The following XPO7 variants were observed in gnomAD, a reference collection of about 807,000 sequenced individuals.
XPO7 encodes exportin 7.
A neutral mutation model predicts 144.3 loss-of-function variants in XPO7; 21 were observed. The observed-to-expected ratio is 0.15, with a 90% CI of 0.10 to 0.21. XPO7 has a LOEUF of 0.21. Among genes scored for constraint, XPO7 ranks in the 10% least tolerant of loss-of-function variants. XPO7 has a pLI of 1.00. For missense variants in XPO7, 808 were observed against 1,325.8 expected (o/e 0.61, Z 6.06); for synonymous variants, 580 against 499.6 (o/e 1.16, Z -2.15).
chr8:21,976,997 G>A (rs978958788), intron 7 of XPO7, among the ~76,000 whole-genome samples: 1 of 152,162 alleles, frequency 6.6e-6, no homozygotes. Flanking sequence ...GGTTGTTGGA[G>A]TAATCTCATA....
rs191138751 is a variant in XPO7, at chr8:21,947,521, A to G, written c.19-19336A>G. ...GAGGAAATTCAACCTTACTAATACCATCACCACTACCCCTGCAACATAGAC... is the reference window on the plus strand; with the variant it reads ...GAGGAAATTCAACCTTACTAATACCGTCACCACTACCCCTGCAACATAGAC... On this transcript the variant is annotated intron_variant, in intron 1 of 27. Transcript: ENST00000252512. Among the ~76,000 whole-genome samples the G allele has an allele frequency of 1.8e-4, 27 of 152,336 alleles. No homozygotes were observed. The East Asian group carries it at 5.0e-3, about 28-fold the overall frequency.
Position 21,989,648 on chromosome 8 carries a change from G to T in XPO7, c.1868+565G>T, listed in dbSNP as rs891744963. On this transcript the variant is annotated intron_variant, in intron 16 of 27. Transcript: ENST00000252512. ...ATATAGCTAGTACCATTCTAAATAG[G>T]AGAGAAGTTCATTCATTATACACAA... Among the ~76,000 whole-genome samples, 8 of 152,090 alleles carry T rather than the reference G, an allele frequency of 5.3e-5. No individual in the cohort carries two copies. In the East Asian group the frequency reaches 1.5e-3, roughly 29 times the overall value.
In XPO7 at chr8:22,003,239, C is replaced by T. The variant is rs1353250696; in HGVS notation, c.2964C>T (p.Asn988=). ...MIQQMLSTVL[N]IIIFEDCRNQ... is the part of the protein sequence containing the mutation. ...TTCAGATGCTGTCCACGGTGCTGAACATCATCATCTTTGAAGACTGTAGGA... is the reference window on the plus strand; with the variant it reads ...TTCAGATGCTGTCCACGGTGCTGAATATCATCATCTTTGAAGACTGTAGGA... The change falls in exon 26 of 28, where the codon AAC becomes AAT. Residue 988 remains asparagine (N), a synonymous_variant. Coordinates refer to ENST00000252512, the MANE Select transcript of XPO7 (RefSeq NM_015024.5). 1 of 1,612,848 alleles carries T rather than the reference C, an allele frequency of 6.2e-7. No individual in the cohort carries two copies. The highest frequency in any genetic ancestry group is 1.1e-5 in the South Asian group (1 of 90,676).
At chr8:21,948,189 T>A (rs1564312) in intron 1 of XPO7, among the ~76,000 whole-genome samples, 63 of 152,358 alleles carry the variant, frequency 4.1e-4, no homozygotes, top group African/African-American at 1.5e-3. Context: ...ATGCACTGAA[T>A]AGTGACATTT....
At chr8:21,988,072 C>T (rs993187095) in intron 15 of XPO7, among the ~76,000 whole-genome samples, 1 of 152,304 alleles carries the variant, frequency 6.6e-6, no homozygotes, top group African/African-American at 2.4e-5. Flanking sequence ...TAATTTTGTT[C>T]TTGCAGAATC....
In XPO7 at chr8:21,998,629, G is replaced by T; in HGVS notation, c.2346-126G>T. On this transcript the variant is annotated intron_variant, in intron 21 of 27. Transcript: ENST00000252512. The stretch of plus-strand genomic sequence containing the variant: ...CTATAACTTGGTTATTCTCATATTA[G>T]GATAGGCAATTGCTTACCTTAATGT... 2 of 683,706 alleles carry T rather than the reference G, an allele frequency of 2.9e-6. 1 individual carries two copies. Among genetic ancestry groups the T allele is most frequent in the South Asian group, 3.8e-5 (2 of 52,726 alleles). The allele number at this position is 683,706 out of a possible 1,614,324, so 42.4% of individuals were successfully genotyped here. A position where few individuals can be genotyped will look rare whatever the true frequency, so the allele number is the denominator to read the frequency against.
chr8:21,976,452 A>G lies in XPO7; in HGVS notation c.694A>G (p.Ile232Val). The G allele has an allele frequency of 6.2e-7, 1 of 1,614,018 alleles. No homozygotes were observed. Among genetic ancestry groups the G allele is most frequent in the African/African-American group, 1.3e-5 (1 of 75,048 alleles). The part of the protein sequence containing the change: ...LTHNCLNFDF[I>V]GTSTDESSDD... The stretch of plus-strand genomic sequence containing the variant: ...TCATAACTGCCTCAACTTTGACTTC[A>G]TCGGCACTTCCACTGATGAGTCCTC... Residue 232 changes from isoleucine (I) to valine (V), a missense_variant, in exon 7 of 28, where the codon ATC (isoleucine) becomes GTC (valine). Ile to Val is a conservative substitution (Grantham distance 29). This residue lies in a region of XPO7 where 223 missense variants were observed against 368.8 expected (regional missense o/e 0.60). Transcript: ENST00000252512.
At chr8:21,955,561 C>T (rs1338209231) in intron 1 of XPO7, among the ~76,000 whole-genome samples, 2 of 152,028 alleles carry the variant, frequency 1.3e-5, no homozygotes, top group Non-Finnish European at 2.9e-5. Flanking sequence ...TCCCTGAAGC[C>T]ACATTGCTTG....
intron 1 of XPO7, among the ~76,000 whole-genome samples, chr8:21,925,897 C>G (rs1810444044): frequency 6.6e-6 from 1 of 152,174 alleles, no homozygotes; most frequent in South Asian, 2.1e-4. Flanking sequence ...TTCTTTACGC[C>G]TAATTTCTTA....
chr8:21,951,261 A>G (rs1036215266), intron 1 of XPO7, among the ~76,000 whole-genome samples: 9 of 151,396 alleles, frequency 5.9e-5, no homozygotes, highest in African/African-American at 2.2e-4. Context: ...TTGGTTAAGT[A>G]CGTCTTTTTT....
At chr8:21,978,741 G>GT (rs993025304) in intron 8 of XPO7, among the ~76,000 whole-genome samples, 4 of 152,202 alleles carry the variant, frequency 2.6e-5, no homozygotes, top group African/African-American at 9.6e-5. Context: ...AGTTGAAGCT[G>GT]TGTCTTAGAG....
chr8:21,999,812 A>G (rs929454446), intron 24 of XPO7, 138 bp downstream of exon 24: 5 of 1,106,388 alleles, frequency 4.5e-6, no homozygotes, highest in African/African-American at 1.6e-5. Flanking sequence ...AGAGTATATA[A>G]TGCACAGCAC....
At chr8:21,950,739 ATTAAT>A (rs1252866634) in intron 1 of XPO7, among the ~76,000 whole-genome samples, 18 of 152,258 alleles carry the variant, frequency 1.2e-4, no homozygotes, top group Non-Finnish European at 4.4e-5. Context: ...CTTTCCTTGA[ATTAAT>A]TTGTATAAAA....
At chr8:21,941,324 A>T (rs1323104577) in intron 1 of XPO7, among the ~76,000 whole-genome samples, 2 of 148,848 alleles carry the variant, frequency 1.3e-5, no homozygotes, top group South Asian at 2.1e-4. Flanking sequence ...AGTTAAGAAA[A>T]TTTTTTTTTT....
At chr8:21,932,591 A>G (rs1217893331) in intron 1 of XPO7, among the ~76,000 whole-genome samples, 1 of 151,362 alleles carries the variant, frequency 6.6e-6, no homozygotes, top group Non-Finnish European at 1.5e-5. Context: ...GGGTTTTCTC[A>G]TGCGAAAAGG....
In XPO7 at chr8:21,927,505, G is replaced by A. The variant is rs6996478; in HGVS notation, c.18+7717G>A. Among the ~76,000 whole-genome samples the A allele has an allele frequency of 6.8e-3, 1,015 of 149,306 alleles. 14 individuals carry two copies. The highest frequency in any genetic ancestry group is 0.024 in the African/African-American group (963 of 40,424). ...GGCACATTTCGTGTTAACATTGATA[G>A]CATTGATAGGGTGAGACTTAAAAAA... On this transcript the variant is annotated intron_variant, in intron 1 of 27. Coordinates refer to ENST00000252512, the MANE Select transcript of XPO7 (RefSeq NM_015024.5).
At position 21,987,775 on chromosome 8, in the gene XPO7, T is replaced by G; in HGVS notation, c.1714-9T>G. ...ATGTGTTCTGGTTACTTTCTCTTCTTAACACCAGCTGTACCGCCGACTCTC... is the reference window on the plus strand; with the variant it reads ...ATGTGTTCTGGTTACTTTCTCTTCTGAACACCAGCTGTACCGCCGACTCTC... On this transcript the variant is annotated splice_polypyrimidine_tract_variant and intron_variant, in intron 14 of 27. Transcript: ENST00000252512. The G allele has an allele frequency of 6.2e-7, 1 of 1,613,776 alleles. No individual in the cohort carries two copies. The highest frequency in any genetic ancestry group is 8.5e-7 in the Non-Finnish European group (1 of 1,179,728).
At chr8:21,926,681 A>C (rs1265517083) in intron 1 of XPO7, among the ~76,000 whole-genome samples, 1 of 152,166 alleles carries the variant, frequency 6.6e-6, no homozygotes, top group East Asian at 1.9e-4. Flanking sequence ...TTGAAACATA[A>C]AGTTTGCTCT....
Position 21,984,739 on chromosome 8 carries a change from G to C in XPO7, c.1371G>C (p.Thr457=), listed in dbSNP as rs373053127. The part of the protein sequence containing the change: ...STIGRCEYEK[T]CALLVQLFDQ... ...TTGGGCGTTGTGAATATGAGAAGAC[G>C]TGTGCACTCCTCGTGCAGTTGTTTG... Residue 457 remains threonine (T), a synonymous_variant, in exon 12 of 28, where the codon ACG becomes ACC. Coordinates refer to ENST00000252512, the MANE Select transcript of XPO7 (RefSeq NM_015024.5). The C allele has an allele frequency of 6.2e-7, 1 of 1,613,996 alleles. No individual in the cohort carries two copies. Among genetic ancestry groups the C allele is most frequent in the South Asian group, 1.1e-5 (1 of 91,088 alleles).
Sources: gnomAD v4.1 joint callset for allele counts (sites outside exome capture counted in the v4.1 genomes callset) on GRCh38, gnomAD v4.1.1 for gene constraint, gnomAD v4.1.1 regional missense constraint, MANE v1.5 for transcripts, NCBI Gene and HGNC (gene_info 2026-07-23, HGNC 2026-07-21) for gene names.